SPACA1: variants seen among roughly 807,000 people sequenced by gnomAD.
SPACA1 encodes the protein sperm acrosome associated 1.
SPACA1 carries 17 observed loss-of-function variants against 32.6 expected under a neutral mutation model. That is an observed-to-expected ratio of 0.52 (90% confidence interval 0.36 to 0.78). The LOEUF (loss-of-function observed/expected upper bound fraction) is 0.78, where lower values mean the gene tolerates loss of function less well. SPACA1 is among the 30% of genes least tolerant of loss of function. The pLI is 0.01. For missense variants in SPACA1, 363 were observed against 373.4 expected (o/e 0.97, Z 0.23); for synonymous variants, 140 against 138.1 (o/e 1.01, Z -0.10).
chr6:88,064,838 T>C (rs1448456472), intron 6 of SPACA1, among the ~76,000 whole-genome samples: 2 of 148,112 alleles, frequency 1.4e-5, no homozygotes, highest in Non-Finnish European at 3.0e-5. Context: ...GTCATATGTG[T>C]GTACCAAATA....
chr6:88,054,479 T>C (rs1775777418), intron 2 of SPACA1, among the ~76,000 whole-genome samples: 1 of 152,210 alleles, frequency 6.6e-6, no homozygotes. Flanking sequence ...GAATATGACT[T>C]AGTCTGATCA....
chr6:88,064,366 C>T, intron 6 of SPACA1, 147 bp downstream of exon 6: 2 of 693,776 alleles, frequency 2.9e-6, no homozygotes, highest in Non-Finnish European at 4.4e-6. Flanking sequence ...CCTGTGACTG[C>T]CCTAGTTCAG....
At chr6:88,049,982 CTTCTT>C (rs1042373287) in intron 1 of SPACA1, among the ~76,000 whole-genome samples, 2 of 152,142 alleles carry the variant, frequency 1.3e-5, no homozygotes, top group Admixed American at 6.5e-5. Flanking sequence ...AGAAAGCCAT[CTTCTT>C]TTCTTCATAA....
chr6:88,048,055 G>A lies in SPACA1; in HGVS notation c.150G>A (p.Glu50=), dbSNP rs1775670057. Residue 50 remains glutamate, a synonymous_variant, in exon 1 of 7, where the codon GAG becomes GAA. Coordinates refer to ENST00000237201, the MANE Select transcript of SPACA1 (RefSeq NM_030960.3). ...CCCACGAAGGCGAGGGCGAGGAGGAGACCGAAAACAACGACAGCGAGACCG... is the reference window on the plus strand; with the variant it reads ...CCCACGAAGGCGAGGGCGAGGAGGAAACCGAAAACAACGACAGCGAGACCG... ...GLAHEGEGEE[E]TENNDSETAE... 2 of 1,604,186 alleles carry A rather than the reference G, an allele frequency of 1.2e-6. No individual in the cohort carries two copies. Among genetic ancestry groups the A allele is most frequent in the Non-Finnish European group, 1.7e-6 (2 of 1,176,722 alleles).
At chr6:88,064,449 T>G in intron 6 of SPACA1, 1 of 271,356 alleles carries the variant, frequency 3.7e-6, no homozygotes, top group Non-Finnish European at 6.9e-6. Context: ...TGAGAGAGCT[T>G]TTAAATGCAA....
At position 88,064,903 on chromosome 6, in the gene SPACA1, A is replaced by C. The variant is rs529005656; in HGVS notation, c.731+684A>C. Among the ~76,000 whole-genome samples the C allele has an allele frequency of 1.0e-4, 15 of 148,106 alleles. No homozygotes were observed. In the East Asian group the frequency reaches 2.9e-3, roughly 29 times the overall value. ...TATATAATATACATGAGTATATAAT[A>C]TATGGGTTATATAATATATATGTAG... On this transcript the variant is annotated intron_variant, in intron 6 of 6. Coordinates refer to ENST00000237201, the MANE Select transcript of SPACA1 (RefSeq NM_030960.3).
At chr6:88,059,643 A>G (rs1274486525) in intron 5 of SPACA1, 55 bp downstream of exon 5, 2 of 1,524,868 alleles carry the variant, frequency 1.3e-6, no homozygotes, top group Non-Finnish European at 1.8e-6. Context: ...AAAGAGCATT[A>G]AAATCACTTA....
At position 88,048,020 on chromosome 6, in the gene SPACA1, G is replaced by A. The variant is rs920981790; in HGVS notation, c.115G>A (p.Ala39Thr). 4 of 1,596,616 alleles carry A rather than the reference G, an allele frequency of 2.5e-6. No individual in the cohort carries two copies. Among genetic ancestry groups the A allele is most frequent in the Non-Finnish European group, 3.4e-6 (4 of 1,173,572 alleles). The stretch of plus-strand genomic sequence containing the variant: ...CAACGTCACCGCTGCCGTCCAGGAT[G>A]CCGGCCTGGCCCACGAAGGCGAGGG... ...GTNVTAAVQD[A>T]GLAHEGEGEE... is the part of the protein sequence containing the mutation. The change falls in exon 1 of 7, where the codon GCC becomes ACC. Residue 39 changes from alanine to threonine, a missense_variant. By Grantham distance (58) the Ala-to-Thr change is moderately conservative (BLOSUM62 0). Transcript: ENST00000237201.
chr6:88,048,019 T>C lies in SPACA1; in HGVS notation c.114T>C (p.Asp38=), dbSNP rs1220011254. The C allele has an allele frequency of 6.3e-7, 1 of 1,596,294 alleles. No individual in the cohort carries two copies. Among genetic ancestry groups the C allele is most frequent in the Non-Finnish European group, 8.5e-7 (1 of 1,173,422 alleles). ...CCAACGTCACCGCTGCCGTCCAGGA[T>C]GCCGGCCTGGCCCACGAAGGCGAGG... ...RGTNVTAAVQ[D]AGLAHEGEGE... is the part of the protein sequence containing the mutation. Residue 38 remains aspartate, a synonymous_variant, in exon 1 of 7, where the codon GAT becomes GAC. Coordinates refer to ENST00000237201, the MANE Select transcript of SPACA1 (RefSeq NM_030960.3).
In SPACA1 at chr6:88,048,095, C is replaced by A; in HGVS notation, c.190C>A (p.Pro64Thr). ...CAGCGAGACCGCGGAGAACTACGCT[C>A]CGCCTGAAACCGAGGATGGTGAGGG... Reference protein sequence around the residue: ...NDSETAENYAPPETEDVSNRN... With the variant: ...NDSETAENYATPETEDVSNRN... Residue 64 changes from proline to threonine, a missense_variant, in exon 1 of 7, where the codon CCG becomes ACG. Transcript: ENST00000237201. The A allele has an allele frequency of 6.3e-7, 1 of 1,593,514 alleles. No individual in the cohort carries two copies. The highest frequency in any genetic ancestry group is 2.3e-5 in the East Asian group (1 of 44,132).
At chr6:88,047,463 G>C (rs1775653181), upstream of SPACA1, among the ~76,000 whole-genome samples, 1 of 152,202 alleles carries the variant, frequency 6.6e-6, no homozygotes, top group Non-Finnish European at 1.5e-5. Context: ...AAGAAGTCTA[G>C]TTTGGGGAAG....
chr6:88,047,155 T>C (rs1775649543), upstream of SPACA1, among the ~76,000 whole-genome samples: 1 of 152,214 alleles, frequency 6.6e-6, no homozygotes, highest in Non-Finnish European at 1.5e-5. Flanking sequence ...TCGTTAACCT[T>C]GAATCATAAG....
intron 5 of SPACA1, among the ~76,000 whole-genome samples, chr6:88,063,849 T>A (rs923695643): frequency 6.6e-6 from 1 of 152,212 alleles, no homozygotes; most frequent in Non-Finnish European, 1.5e-5. Flanking sequence ...AATGGATAGA[T>A]GAATTTTAAA....
Position 88,048,094 on chromosome 6 carries a change from T to C in SPACA1, c.189T>C (p.Ala63=), listed in dbSNP as rs2127796951. 1 of 1,595,776 alleles carries C rather than the reference T, an allele frequency of 6.3e-7. No individual in the cohort carries two copies. Among genetic ancestry groups the C allele is most frequent in the Non-Finnish European group, 8.5e-7 (1 of 1,172,642 alleles). The change falls in exon 1 of 7, where the codon GCT becomes GCC. Residue 63 remains alanine (A), a synonymous_variant. Coordinates refer to ENST00000237201, the MANE Select transcript of SPACA1 (RefSeq NM_030960.3). ...NNDSETAENY[A]PPETEDVSNR... is the part of the protein sequence containing the mutation. ...ACAGCGAGACCGCGGAGAACTACGC[T>C]CCGCCTGAAACCGAGGATGGTGAGG...
intron 2 of SPACA1, among the ~76,000 whole-genome samples, chr6:88,056,746 CCTGTCTTAA>C (rs1319166908): frequency 2.6e-5 from 4 of 152,090 alleles, no homozygotes; most frequent in Non-Finnish European, 5.9e-5. Flanking sequence ...TCTTTCTTAG[CCTGTCTTAA>C]CATGGGACAC....
intron 4 of SPACA1, 114 bp from the exon 5 acceptor site, chr6:88,059,339 C>A: frequency 1.1e-6 from 1 of 907,314 alleles, no homozygotes; most frequent in Non-Finnish European, 1.6e-6. Flanking sequence ...TCATTAATTA[C>A]TCAACTAGGC....
At chr6:88,056,944 T>C (rs1215840455) in intron 2 of SPACA1, among the ~76,000 whole-genome samples, 1 of 152,242 alleles carries the variant, frequency 6.6e-6, no homozygotes. Flanking sequence ...TTCTCCTCTC[T>C]ATATTTAATA....
At chr6:88,048,177 C>T in intron 1 of SPACA1, 64 bp downstream of exon 1, 1 of 1,463,628 alleles carries the variant, frequency 6.8e-7, no homozygotes, top group Non-Finnish European at 9.3e-7. Flanking sequence ...AAGGCCTGCT[C>T]TTTGCCTGAG....
chr6:88,051,652 C>T (rs1275488302), intron 1 of SPACA1, among the ~76,000 whole-genome samples: 2 of 152,184 alleles, frequency 1.3e-5, no homozygotes, highest in Non-Finnish European at 2.9e-5. Flanking sequence ...ACTCTCCATT[C>T]GTTTTTAACT....
Sources: gnomAD v4.1 joint callset for allele counts (sites outside exome capture counted in the v4.1 genomes callset) on GRCh38, gnomAD v4.1.1 for gene constraint, MANE v1.5 for transcripts, NCBI Gene and HGNC (gene_info 2026-07-23, HGNC 2026-07-21) for gene names.